The following YAF2 variants were observed in gnomAD, a reference collection of about 807,000 sequenced individuals.
The protein encoded by YAF2 is YY1 associated factor 2.
A neutral mutation model predicts 20.1 loss-of-function variants in YAF2; 7 were observed. The observed-to-expected ratio is 0.35, with a 90% CI of 0.20 to 0.65. The LOEUF (loss-of-function observed/expected upper bound fraction) is 0.65. Ranked by LOEUF, YAF2 falls within the 30% of genes least tolerant of loss-of-function variation. YAF2 has a pLI of 0.69. For missense variants in YAF2, 151 were observed against 219.2 expected, an observed-to-expected ratio of 0.69 and a Z score of 1.96; for synonymous variants, 74 against 76.0, an observed-to-expected ratio of 0.97 and a Z score of 0.14.
At chr12:42,167,531 A>C (rs2065944082) in intron 2 of YAF2, among the ~76,000 whole-genome samples, 1 of 152,236 alleles carries the variant, frequency 6.6e-6, no homozygotes, top group Non-Finnish European at 1.5e-5. Context: ...AAAAGGACTC[A>C]AAAACTAAAA....
At chr12:42,164,166 T>C (rs1158090185) in intron 2 of YAF2, among the ~76,000 whole-genome samples, 1 of 152,244 alleles carries the variant, frequency 6.6e-6, no homozygotes, top group Non-Finnish European at 1.5e-5. Flanking sequence ...CATCTACTTA[T>C]TCACATATGC....
At position 42,236,066 on chromosome 12, in the gene YAF2, A is replaced by G. The variant is rs1303603061; in HGVS notation, c.152+1533T>C. The G allele has an allele frequency of 2.6e-6, 4 of 1,509,780 alleles. No individual in the cohort carries two copies. The African/African-American group carries it at 5.6e-5, about 21-fold the overall frequency. The allele number at this position is 1,509,780 out of a possible 1,614,324, so 93.5% of individuals were successfully genotyped here. ...AATGGCTACAAGAAAATAGAGAGGG[A>G]ACAACAAAAAGCAATAATATATAGT... On this transcript the variant is annotated intron_variant, in intron 2 of 3. Coordinates refer to ENST00000534854, the MANE Select transcript of YAF2 (RefSeq NM_005748.6).
intron 2 of YAF2, among the ~76,000 whole-genome samples, chr12:42,192,221 A>G (rs1286253458): frequency 6.6e-6 from 1 of 151,626 alleles, no homozygotes; most frequent in African/African-American, 2.4e-5. Context: ...AAGAACCTAG[A>G]TTTTGGCTGA....
At chr12:42,238,010 C>A in intron 1 of YAF2, 145 bp downstream of exon 1, 1 of 637,360 alleles carries the variant, frequency 1.6e-6, no homozygotes, top group African/African-American at 2.0e-5. Context: ...GCGCCGGCCC[C>A]CTCAAGCGGC....
chr12:42,231,167 A>T (rs2067973061), intron 2 of YAF2: 1 of 152,172 alleles, frequency 6.6e-6, no homozygotes, highest in African/African-American at 2.4e-5. Flanking sequence ...TTAGAAATAA[A>T]AACTGATAAA....
intron 3 of YAF2, 94 bp from the exon 4 acceptor site, chr12:42,160,920 T>TG: frequency 2.9e-6 from 3 of 1,042,338 alleles, no homozygotes; most frequent in Non-Finnish European, 4.2e-6. Flanking sequence ...AGTAACAAAA[T>TG]GAATACATGT....
At chr12:42,168,991 T>TC (rs150355908) in intron 2 of YAF2, among the ~76,000 whole-genome samples, 3,658 of 152,220 alleles carry the variant, frequency 0.024, 146 homozygotes, top group African/African-American at 0.084. Context: ...TACTGAAGTC[T>TC]CTCCCATCTA....
chr12:42,200,533 T>C (rs1244648194), intron 2 of YAF2, among the ~76,000 whole-genome samples: 2 of 152,178 alleles, frequency 1.3e-5, no homozygotes, highest in Admixed American at 6.5e-5. Flanking sequence ...TGCTTCTTTT[T>C]GCAAAAATAA....
chr12:42,218,482 T>C (rs886381712), intron 2 of YAF2, among the ~76,000 whole-genome samples: 9 of 152,198 alleles, frequency 5.9e-5, no homozygotes, highest in African/African-American at 2.2e-4. Flanking sequence ...TTGTTGTTTT[T>C]ATCTGTTTCT....
intron 2 of YAF2, among the ~76,000 whole-genome samples, chr12:42,164,514 T>C (rs2065867794): frequency 6.6e-6 from 1 of 152,050 alleles, no homozygotes; most frequent in Non-Finnish European, 1.5e-5. Flanking sequence ...CTTTGTCATG[T>C]TGGACAGGTA....
intron 2 of YAF2, among the ~76,000 whole-genome samples, chr12:42,185,642 A>C (rs1374216291): frequency 6.6e-6 from 1 of 152,202 alleles, no homozygotes; most frequent in African/African-American, 2.4e-5. Flanking sequence ...AAGACCCTCC[A>C]CCAGCAAAAA....
intron 2 of YAF2, among the ~76,000 whole-genome samples, chr12:42,173,098 C>G (rs953868342): frequency 6.6e-6 from 1 of 151,926 alleles, no homozygotes; most frequent in Non-Finnish European, 1.5e-5. Context: ...AGTAAAAATT[C>G]TTCTAAATAC....
At chr12:42,181,817 GT>G (rs1334195382) in intron 2 of YAF2, among the ~76,000 whole-genome samples, 7 of 152,176 alleles carry the variant, frequency 4.6e-5, no homozygotes, top group African/African-American at 1.7e-4. Context: ...TAACTGTGAT[GT>G]CTATGCCAAG....
chr12:42,182,083 A>C (rs2066356474), intron 2 of YAF2, among the ~76,000 whole-genome samples: 1 of 152,188 alleles, frequency 6.6e-6, no homozygotes, highest in Non-Finnish European at 1.5e-5. Context: ...AACAAGGGCA[A>C]AATATGCTCT....
At chr12:42,198,788 T>G (rs712122) in intron 2 of YAF2, among the ~76,000 whole-genome samples, 105,512 of 151,448 alleles carry the variant, frequency 0.7, 37,806 homozygotes, top group African/African-American at 0.86. Flanking sequence ...AGAAAAGACA[T>G]CTGAGGTGCC....
intron 2 of YAF2, among the ~76,000 whole-genome samples, chr12:42,184,320 C>T (rs1785607717): frequency 2.0e-5 from 3 of 151,958 alleles, no homozygotes; most frequent in Admixed American, 1.3e-4. Flanking sequence ...ATTATTATTA[C>T]TGTTTTTGAG....
intron 2 of YAF2, among the ~76,000 whole-genome samples, chr12:42,236,152 T>C (rs1448525680): frequency 6.6e-6 from 1 of 152,214 alleles, no homozygotes; most frequent in Non-Finnish European, 1.5e-5. Flanking sequence ...AAAACGAATT[T>C]TCTAAAAATT....
chr12:42,237,557 AC>A (rs1381735022), intron 2 of YAF2, 41 bp downstream of exon 2: 2 of 1,480,624 alleles, frequency 1.4e-6, no homozygotes, highest in Non-Finnish European at 1.8e-6. Context: ...TCTGGTCGCC[AC>A]CCCGCCGGCC....
intron 2 of YAF2, among the ~76,000 whole-genome samples, chr12:42,230,842 G>A (rs943978106): frequency 6.6e-6 from 1 of 152,204 alleles, no homozygotes; most frequent in African/African-American, 2.4e-5. Context: ...AGGAGTCTTA[G>A]AGACATGAAG....
Sources: allele counts gnomAD v4.1 joint callset (sites outside exome capture counted in the v4.1 genomes callset), GRCh38; gene constraint gnomAD v4.1.1; transcripts MANE v1.5; gene names NCBI Gene and HGNC (gene_info 2026-07-23, HGNC 2026-07-21).